The following FAM13A variants were observed in gnomAD, a reference collection of about 807,000 sequenced individuals.
The protein encoded by FAM13A is protein FAM13A.
In FAM13A, 76 loss-of-function variants were observed where a neutral mutation model predicts 129.6. The observed-to-expected ratio is 0.59, with a 90% confidence interval of 0.49 to 0.71. The LOEUF (loss-of-function observed/expected upper bound fraction) is 0.71, where lower values mean the gene tolerates loss of function less well. Ranked by LOEUF, FAM13A falls within the 30% of genes least tolerant of loss-of-function variation. The probability of loss-of-function intolerance (pLI) is 0.00; values close to 1 mark genes in which losing one functional copy is unlikely to be tolerated. For missense variants in FAM13A, 1,108 were observed against 1,249.3 expected (o/e 0.89, Z 1.70); for synonymous variants, 443 against 449.9 (o/e 0.98, Z 0.20).
intron 4 of FAM13A, among the ~76,000 whole-genome samples, chr4:88,965,225 G>C (rs1759198057): frequency 1.3e-5 from 2 of 152,304 alleles, no homozygotes; most frequent in African/African-American, 2.4e-5. Flanking sequence ...CACTGAGAGA[G>C]AGACATAGAA....
At chr4:88,856,362 T>C (rs1049080223) in intron 6 of FAM13A, among the ~76,000 whole-genome samples, 1 of 151,910 alleles carries the variant, frequency 6.6e-6, no homozygotes, top group African/African-American at 2.4e-5. Context: ...AGTCCACCTG[T>C]AGTCCCAACT....
chr4:88,767,684 G>A, intron 12 of FAM13A, 89 bp from the exon 13 acceptor site: 1 of 1,006,286 alleles, frequency 9.9e-7, no homozygotes, highest in South Asian at 1.7e-5. Context: ...TTTAATTTAA[G>A]AGTATGTTGA....
At chr4:88,745,611 T>A (rs1003304008) in intron 19 of FAM13A, among the ~76,000 whole-genome samples, 2 of 152,172 alleles carry the variant, frequency 1.3e-5, no homozygotes, top group Non-Finnish European at 2.9e-5. Flanking sequence ...CTAAGCCTAT[T>A]GTGGAGAAGG....
chr4:88,799,975 A>C (rs1484412741), intron 8 of FAM13A, among the ~76,000 whole-genome samples: 1 of 152,244 alleles, frequency 6.6e-6, no homozygotes, highest in Non-Finnish European at 1.5e-5. Flanking sequence ...TTCAGCCTTC[A>C]AAAGGAAGAA....
At chr4:88,954,792 A>C (rs954945046) in intron 4 of FAM13A, among the ~76,000 whole-genome samples, 1 of 151,934 alleles carries the variant, frequency 6.6e-6, no homozygotes, top group African/African-American at 2.4e-5. Flanking sequence ...AGGCTGAGGC[A>C]GGAGAACCGC....
rs199706876 is a variant in FAM13A at position 88,975,939 on chromosome 4, AC to A, written c.605+15033del. ...ACATTTTATTCTTAGTCTTGCCATA[AC>A]TAGTTATATAATTTGTGGCCAATCA... is the stretch of plus-strand genomic sequence containing the variant. On this transcript the variant is annotated intron_variant, in intron 4 of 23. Transcript: ENST00000264344. 3.2e-3 allele frequency among the ~76,000 whole-genome samples: 486 copies of A among 152,268 alleles called. 2 individuals are homozygous for A. Among genetic ancestry groups the A allele is most frequent in the African/African-American group, 0.011 (471 of 41,564 alleles).
chr4:88,824,018 G>A (rs1358415241), intron 7 of FAM13A, among the ~76,000 whole-genome samples: 1 of 151,636 alleles, frequency 6.6e-6, no homozygotes, highest in Non-Finnish European at 1.5e-5. Flanking sequence ...TTTTTTTATA[G>A]GTAACACAAA....
At chr4:88,871,409 A>T (rs899691346) in intron 6 of FAM13A, among the ~76,000 whole-genome samples, 1 of 152,222 alleles carries the variant, frequency 6.6e-6, no homozygotes, top group Non-Finnish European at 1.5e-5. Context: ...TACAGATGAG[A>T]TGAATGGCTA....
intron 6 of FAM13A, among the ~76,000 whole-genome samples, chr4:88,895,328 T>A (rs1289882415): frequency 1.3e-5 from 2 of 152,104 alleles, no homozygotes; most frequent in Non-Finnish European, 2.9e-5. Context: ...TGCATGCCCA[T>A]CAACACTGAT....
chr4:88,963,443 AC>A (rs1459722702), intron 4 of FAM13A, among the ~76,000 whole-genome samples: 1 of 151,936 alleles, frequency 6.6e-6, no homozygotes, highest in Non-Finnish European at 1.5e-5. Context: ...GATTATAGGC[AC>A]CTGCCACCAT....
At chr4:88,757,702 AG>A (rs1743963775) in intron 14 of FAM13A, among the ~76,000 whole-genome samples, 1 of 152,190 alleles carries the variant, frequency 6.6e-6, no homozygotes, top group Admixed American at 6.5e-5. Context: ...AGAATAAAAA[AG>A]TTTGTTTTCA....
At chr4:88,996,849 T>C (rs1323703229) in intron 3 of FAM13A, among the ~76,000 whole-genome samples, 1 of 152,214 alleles carries the variant, frequency 6.6e-6, no homozygotes, top group Non-Finnish European at 1.5e-5. Context: ...CCTTGCATAT[T>C]AAAAGCGCTC....
At chr4:88,923,836 A>G (rs1421564846) in intron 5 of FAM13A, among the ~76,000 whole-genome samples, 1 of 152,198 alleles carries the variant, frequency 6.6e-6, no homozygotes, top group South Asian at 2.1e-4. Context: ...CCTTAAGCTG[A>G]TAAGCAACTT....
chr4:88,916,448 G>C (rs1750133273), intron 5 of FAM13A, among the ~76,000 whole-genome samples: 1 of 152,196 alleles, frequency 6.6e-6, no homozygotes, highest in Non-Finnish European at 1.5e-5. Context: ...TTATTGAGTT[G>C]AGATTCGTTT....
intron 7 of FAM13A, among the ~76,000 whole-genome samples, chr4:88,842,423 T>C (rs1468418961): frequency 6.6e-6 from 1 of 152,244 alleles, no homozygotes; most frequent in Non-Finnish European, 1.5e-5. Flanking sequence ...TTAAAGACCT[T>C]TGAAGACCTT....
chr4:88,939,385 A>C (rs1029624907), intron 4 of FAM13A, among the ~76,000 whole-genome samples: 1 of 151,484 alleles, frequency 6.6e-6, no homozygotes. Flanking sequence ...ATCTCCCTCT[A>C]CCCCATTCTT....
intron 3 of FAM13A, among the ~76,000 whole-genome samples, chr4:89,012,521 T>G (rs1176436982): frequency 6.6e-6 from 1 of 152,242 alleles, no homozygotes; most frequent in Non-Finnish European, 1.5e-5. Flanking sequence ...GTCATGCAGG[T>G]ATACTGATTT....
intron 4 of FAM13A, among the ~76,000 whole-genome samples, chr4:88,947,446 C>T (rs755348735): frequency 1.3e-5 from 2 of 151,936 alleles, no homozygotes; most frequent in Non-Finnish European, 2.9e-5. Flanking sequence ...ATGAAGTCGC[C>T]CATGCTAAAG....
intron 5 of FAM13A, chr4:88,936,878 C>T (rs953574874): frequency 6.6e-6 from 1 of 152,014 alleles, no homozygotes; most frequent in Non-Finnish European, 1.5e-5. Context: ...AGAGATGCTG[C>T]TGAAACAAAG....
Sources: gnomAD v4.1 joint callset for allele counts (sites outside exome capture counted in the v4.1 genomes callset) on GRCh38, gnomAD v4.1.1 for gene constraint, MANE v1.5 for transcripts, NCBI Gene and HGNC (gene_info 2026-07-23, HGNC 2026-07-21) for gene names.